Variants in RIT2 observed in about 807,000 individuals in gnomAD.
RIT2 encodes the protein GTP-binding protein Rit2.
In RIT2, 24 loss-of-function variants were observed where a neutral mutation model predicts 23.7. The ratio of observed to expected loss-of-function variants is 1.01; its 90% CI spans 0.73 to 1.43. The LOEUF is 1.43. RIT2 is among the 40% of genes most tolerant of loss of function. The pLI, the probability that RIT2 is intolerant of heterozygous loss-of-function variation, is 0.00. For synonymous variants in RIT2, 107 were observed against 91.1 expected (o/e 1.17, Z -0.99); for missense variants, 236 against 266.9 (o/e 0.88, Z 0.81).
chr18:42,992,708 G>T (rs1418210680), intron 2 of RIT2, among the ~76,000 whole-genome samples: 1 of 152,230 alleles, frequency 6.6e-6, no homozygotes, highest in South Asian at 2.1e-4. Flanking sequence ...GGTGGCTGGA[G>T]CTAAAGGTAT....
chr18:42,993,585 T>C (rs1320690074), intron 2 of RIT2, among the ~76,000 whole-genome samples: 1 of 152,208 alleles, frequency 6.6e-6, no homozygotes, highest in African/African-American at 2.4e-5. Flanking sequence ...ACTTAGACAA[T>C]ACTCTTTTAA....
At chr18:42,886,452 A>G (rs956758492) in intron 4 of RIT2, among the ~76,000 whole-genome samples, 1 of 152,220 alleles carries the variant, frequency 6.6e-6, no homozygotes, top group Non-Finnish European at 1.5e-5. Flanking sequence ...CTAATAACTC[A>G]ACTGCTTTGT....
In RIT2 at chr18:43,004,488, G is replaced by A. The variant is rs116375638; in HGVS notation, c.160+29323C>T. On this transcript the variant is annotated intron_variant, in intron 2 of 4. Transcript: ENST00000326695. Reference sequence around the variant, plus strand: ...TTTTCAAAAGCTTTTTTCAAAGTTAGCATGAGCCTCATAACAGGACTTCCC... The same window carrying A: ...TTTTCAAAAGCTTTTTTCAAAGTTAACATGAGCCTCATAACAGGACTTCCC... 6.0e-3 allele frequency among the ~76,000 whole-genome samples: 916 copies of A among 151,922 alleles called. 3 individuals are homozygous for A. Among genetic ancestry groups the A allele is most frequent in the African/African-American group, 0.021 (859 of 41,502 alleles).
chr18:42,804,391 T>C (rs1905620371), intron 4 of RIT2, among the ~76,000 whole-genome samples: 1 of 151,432 alleles, frequency 6.6e-6, no homozygotes, highest in South Asian at 2.1e-4. Flanking sequence ...CCGTCTCTAC[T>C]AAAAATACAA....
chr18:42,877,889 G>A (rs1019473482), intron 4 of RIT2, among the ~76,000 whole-genome samples: 1 of 151,622 alleles, frequency 6.6e-6, no homozygotes, highest in Non-Finnish European at 1.5e-5. Flanking sequence ...TATATTCAGG[G>A]CAACCTAAAT....
At chr18:42,912,004 A>G (rs1214922118) in intron 4 of RIT2, among the ~76,000 whole-genome samples, 2 of 151,918 alleles carry the variant, frequency 1.3e-5, no homozygotes, top group African/African-American at 4.8e-5. Flanking sequence ...GTAGACCAAT[A>G]TATCTGATTA....
In RIT2 at chr18:43,070,043, A is replaced by C. The variant is rs577608403; in HGVS notation, c.104-36176T>G. Among the ~76,000 whole-genome samples the C allele has an allele frequency of 8.5e-5, 13 of 152,312 alleles. No individual in the cohort carries two copies. The East Asian group carries it at 2.3e-3, about 27-fold the overall frequency. On this transcript the variant is annotated intron_variant, in intron 1 of 4. Transcript: ENST00000326695. ...GTAGCCAGAAAAGAGCCTCACACTG[A>C]GAAATGCACAAGTATATATGCCAAA...
intron 4 of RIT2, among the ~76,000 whole-genome samples, chr18:42,898,075 T>G (rs1416544586): frequency 6.6e-6 from 1 of 152,146 alleles, no homozygotes; most frequent in Non-Finnish European, 1.5e-5. Context: ...TGTCATTGCT[T>G]TGTAGGCTCC....
chr18:42,859,540 T>C (rs192296099), intron 4 of RIT2, among the ~76,000 whole-genome samples: 17 of 152,200 alleles, frequency 1.1e-4, no homozygotes, highest in Admixed American at 1.1e-3. Flanking sequence ...AGCTGAAGAG[T>C]TTTTGATCTG....
intron 1 of RIT2, among the ~76,000 whole-genome samples, chr18:43,048,819 C>T (rs78389022): frequency 0.012 from 1,837 of 152,212 alleles, 35 homozygotes; most frequent in African/African-American, 0.04. Context: ...TTTCAATCAA[C>T]TGGTGTTTCG....
intron 4 of RIT2, among the ~76,000 whole-genome samples, chr18:42,860,882 GA>G (rs1006823580): frequency 2.0e-5 from 3 of 151,846 alleles, no homozygotes; most frequent in African/African-American, 7.3e-5. Context: ...TTGTATGAGG[GA>G]AAAAAAATCT....
At chr18:43,047,946 T>G (rs887799775) in intron 1 of RIT2, among the ~76,000 whole-genome samples, 3 of 152,140 alleles carry the variant, frequency 2.0e-5, no homozygotes, top group Admixed American at 6.6e-5. Context: ...GAGGGCAGCC[T>G]TGGAAGCTGA....
chr18:42,995,350 C>T (rs1910956166), intron 2 of RIT2, among the ~76,000 whole-genome samples: 2 of 152,008 alleles, frequency 1.3e-5, no homozygotes, highest in African/African-American at 4.8e-5. Flanking sequence ...ACTCAACATG[C>T]CCTGAGTCAG....
intron 4 of RIT2, among the ~76,000 whole-genome samples, chr18:42,889,428 T>A (rs988886018): frequency 5.3e-4 from 81 of 152,138 alleles, no homozygotes; most frequent in African/African-American, 1.9e-3. Flanking sequence ...ATAGGAAAAT[T>A]GGGTTATTTG....
chr18:42,860,359 T>C (rs1907294373), intron 4 of RIT2, among the ~76,000 whole-genome samples: 1 of 152,246 alleles, frequency 6.6e-6, no homozygotes, highest in South Asian at 2.1e-4. Flanking sequence ...CAAAGCTTGT[T>C]GTTCTTACAG....
chr18:42,870,785 C>A lies in RIT2; in HGVS notation c.426+52787G>T, dbSNP rs538495394. On this transcript the variant is annotated intron_variant, in intron 4 of 4. Transcript: ENST00000326695. ...TGAGATGATAAGAAAAAAAAAATTT[C>A]TTTGATAAGAACATTCAGAATAGAA... 2.0e-5 allele frequency among the ~76,000 whole-genome samples: 3 copies of A among 152,202 alleles called. No individual in the cohort carries two copies. The East Asian group carries it at 5.8e-4, about 29-fold the overall frequency.
intron 1 of RIT2, among the ~76,000 whole-genome samples, chr18:43,037,577 T>C (rs1912009863): frequency 6.6e-6 from 1 of 152,188 alleles, no homozygotes; most frequent in South Asian, 2.1e-4. Context: ...CATGTTCTTA[T>C]TCTTGTTTTA....
intron 1 of RIT2, among the ~76,000 whole-genome samples, chr18:43,082,488 T>C (rs557463548): frequency 7.6e-4 from 115 of 152,300 alleles, no homozygotes; most frequent in African/African-American, 2.7e-3. Flanking sequence ...AATAAAATAC[T>C]GGCAAACTGA....
At chr18:42,928,733 G>A (rs952632463) in intron 3 of RIT2, among the ~76,000 whole-genome samples, 6 of 151,850 alleles carry the variant, frequency 4.0e-5, no homozygotes, top group Non-Finnish European at 8.8e-5. Flanking sequence ...CCTTAAACTG[G>A]TTATGTCAAT....
Sources: allele counts gnomAD v4.1 joint callset (sites outside exome capture counted in the v4.1 genomes callset), GRCh38; gene constraint gnomAD v4.1.1; transcripts MANE v1.5; gene names NCBI Gene and HGNC (gene_info 2026-07-23, HGNC 2026-07-21).